CNBP: variants seen among roughly 807,000 people sequenced by gnomAD.
CNBP encodes the protein cellular nucleic acid-binding protein.
CNBP carries 6 observed loss-of-function variants against 21.2 expected under a neutral mutation model. The observed-to-expected ratio is 0.28, with a 90% CI of 0.16 to 0.56. The LOEUF is 0.56. CNBP is among the 20% of genes least tolerant of loss of function. The pLI, the probability that CNBP is intolerant of heterozygous loss-of-function variation, is 0.93. For missense variants in CNBP, 112 were observed against 233.1 expected, an observed-to-expected ratio of 0.48 and a Z score of 3.38; for synonymous variants, 61 against 74.9, an observed-to-expected ratio of 0.81 and a Z score of 0.96.
chr3:129,173,975 C>G (rs549112005), intron 1 of CNBP, among the ~76,000 whole-genome samples: 9 of 152,262 alleles, frequency 5.9e-5, no homozygotes, highest in Non-Finnish European at 1.2e-4. Flanking sequence ...AATTTAGTGA[C>G]TTAAAATTAC....
At chr3:129,180,255 A>G (rs952973987) in intron 1 of CNBP, among the ~76,000 whole-genome samples, 3 of 152,222 alleles carry the variant, frequency 2.0e-5, no homozygotes, top group African/African-American at 7.2e-5. Context: ...GATAAAAATC[A>G]AAGTAAAACT....
chr3:129,174,374 A>AAAAAAAAAAT (rs1937747855), intron 1 of CNBP, among the ~76,000 whole-genome samples: 1 of 148,680 alleles, frequency 6.7e-6, no homozygotes, highest in African/African-American at 2.5e-5. Context: ...AAAAAAAAAA[A>AAAAAAAAAAT]CGAATGGCGG....
chr3:129,173,255 A>T (rs1043830921), intron 1 of CNBP, among the ~76,000 whole-genome samples: 11 of 152,236 alleles, frequency 7.2e-5, no homozygotes, highest in Non-Finnish European at 1.0e-4. Context: ...AGATGATTTT[A>T]AAGTATATGG....
intron 1 of CNBP, among the ~76,000 whole-genome samples, chr3:129,181,239 C>CAAAAAAAAAAAAAAAAAAAAAAAA (rs10587328): frequency 3.8e-5 from 2 of 53,162 alleles, no homozygotes; most frequent in East Asian, 5.6e-4. Flanking sequence ...GACTCTGTCT[C>CAAAAAAAAAAAAAAAAAAAAAAAA]AAAAAAAAAA....
chr3:129,180,635 C>A (rs1220453089), intron 1 of CNBP, among the ~76,000 whole-genome samples: 1 of 152,208 alleles, frequency 6.6e-6, no homozygotes, highest in East Asian at 1.9e-4. Flanking sequence ...ACTGCCAGAA[C>A]AGGAGTTCTA....
In CNBP at chr3:129,168,726, CG is replaced by C. The variant is rs1220743886; in HGVS notation, c.*1726del. On this transcript the variant is annotated 3_prime_UTR_variant, in exon 5 of 5. Coordinates refer to ENST00000422453, the MANE Select transcript of CNBP (RefSeq NM_003418.5). ...CCTGTAACACTAGCACTTTGGGGGGCGGGGCAGGTGGATCACCTGAGGTCAG... is the reference window on the plus strand; with the variant it reads ...CCTGTAACACTAGCACTTTGGGGGGCGGGCAGGTGGATCACCTGAGGTCAG... 1.2e-4 allele frequency among the ~76,000 whole-genome samples: 18 copies of C among 148,232 alleles called. No individual in the cohort carries two copies. Among genetic ancestry groups the C allele is most frequent in the African/African-American group, 4.5e-4 (18 of 40,052 alleles).
chr3:129,182,939 GTTGTTTGT>G (rs146475772), intron 1 of CNBP, among the ~76,000 whole-genome samples: 2,739 of 150,698 alleles, frequency 0.018, 66 homozygotes, highest in African/African-American at 0.061. Context: ...ACCCTTTGTT[GTTGTTTGT>G]TTGTTTGTTT....
Position 129,169,620 on chromosome 3 carries a change from T to C in CNBP, c.*833A>G, listed in dbSNP as rs2107631470. 1 of 208,710 alleles carries C rather than the reference T, an allele frequency of 4.8e-6. No individual in the cohort carries two copies. Among genetic ancestry groups the C allele is most frequent in the East Asian group, 7.4e-5 (1 of 13,512 alleles). The allele number at this position is 208,710 out of a possible 1,614,324, so 12.9% of individuals were successfully genotyped here. A position where few individuals can be genotyped will look rare whatever the true frequency, so the allele number is the denominator to read the frequency against. ...TTTATTGGAATAGTTTAAAATTACA[T>C]TTCTATTTTCTAGGACTTCAGTTGC... On this transcript the variant is annotated 3_prime_UTR_variant, in exon 5 of 5. Coordinates refer to ENST00000422453, the MANE Select transcript of CNBP (RefSeq NM_003418.5).
At chr3:129,176,998 A>G (rs547132836) in intron 1 of CNBP, among the ~76,000 whole-genome samples, 1 of 152,322 alleles carries the variant, frequency 6.6e-6, no homozygotes, top group South Asian at 2.1e-4. Context: ...TGAGAAATTT[A>G]CACCCAAGAC....
intron 4 of CNBP, 45 bp from the exon 5 acceptor site, chr3:129,170,615 A>G (rs761676755): frequency 6.7e-7 from 1 of 1,482,516 alleles, no homozygotes; most frequent in Non-Finnish European, 9.4e-7. Flanking sequence ...TCAGAAAAAA[A>G]CTGTCTACCA....
chr3:129,176,903 G>C (rs1937942366), intron 1 of CNBP, among the ~76,000 whole-genome samples: 1 of 151,984 alleles, frequency 6.6e-6, no homozygotes. Flanking sequence ...GCAAATACTA[G>C]AAAATATCAA....
At chr3:129,176,783 T>C (rs1018544744) in intron 1 of CNBP, among the ~76,000 whole-genome samples, 5 of 152,198 alleles carry the variant, frequency 3.3e-5, no homozygotes, top group African/African-American at 1.2e-4. Context: ...CTGACAGGGA[T>C]TAGGGCCAAC....
chr3:129,172,159 ACT>A (rs1937583082), intron 1 of CNBP, among the ~76,000 whole-genome samples: 1 of 151,916 alleles, frequency 6.6e-6, no homozygotes, highest in South Asian at 2.1e-4. Context: ...CAACATTGAG[ACT>A]CTGTCTCAAA....
At chr3:129,183,472 A>G (rs930758895) in intron 1 of CNBP, among the ~76,000 whole-genome samples, 4 of 152,196 alleles carry the variant, frequency 2.6e-5, no homozygotes, top group African/African-American at 9.6e-5. Flanking sequence ...CCAAGGGCGC[A>G]CGGGCGGGCC....
intron 1 of CNBP, among the ~76,000 whole-genome samples, chr3:129,172,644 G>GCAGA (rs1937616859): frequency 1.1e-4 from 12 of 111,884 alleles, no homozygotes; most frequent in African/African-American, 4.4e-4. Context: ...AGGCAGGCAG[G>GCAGA]CAGGCAGGCA....
In CNBP at chr3:129,169,927, T is replaced by C. The variant is rs1937538300; in HGVS notation, c.*526A>G. 2.2e-5 allele frequency: 5 copies of C among 231,712 alleles called. No homozygotes were observed. The highest frequency in any genetic ancestry group is 6.6e-5 in the African/African-American group (3 of 45,190). 14.4% of individuals were successfully genotyped at this position (231,712 alleles called of 1,614,324 possible). On this transcript the variant is annotated 3_prime_UTR_variant, in exon 5 of 5. Coordinates refer to ENST00000422453, the MANE Select transcript of CNBP (RefSeq NM_003418.5). The stretch of plus-strand genomic sequence containing the variant: ...GTTTAGGCTTTTATTCCGATTTCTC[T>C]CGAACAGCCATTAACACGCATGTTT...
chr3:129,175,060 G>C (rs1937805566), intron 1 of CNBP, among the ~76,000 whole-genome samples: 1 of 151,944 alleles, frequency 6.6e-6, no homozygotes, highest in Admixed American at 6.6e-5. Flanking sequence ...GGGCAGGCGT[G>C]GTGGCTCACG....
At chr3:129,170,929 T>G in intron 4 of CNBP, 150 bp downstream of exon 4, 1 of 744,154 alleles carries the variant, frequency 1.3e-6, no homozygotes, top group South Asian at 1.8e-5. Context: ...TATATACAGA[T>G]AGACTGCCAG....
Position 129,171,748 on chromosome 3 carries a change from T to C in CNBP, c.10A>G (p.Asn4Asp), listed in dbSNP as rs1467322968. The C allele has an allele frequency of 1.2e-6, 2 of 1,614,026 alleles. No homozygotes were observed. Among genetic ancestry groups the C allele is most frequent in the South Asian group, 2.2e-5 (2 of 91,086 alleles). ...GATCGTCCACACTTGAAGCACTCAT[T>C]GCTGCTCATGGCTGCAGTCAGATCT... MSS[N>D]ECFKCGRSGH... The change falls in exon 2 of 5, where the codon AAT (asparagine) becomes GAT (aspartate). Residue 4 changes from asparagine (N) to aspartate (D), a missense_variant. Asn to Asp is a conservative substitution (Grantham distance 23, BLOSUM62 1). Coordinates refer to ENST00000422453, the MANE Select transcript of CNBP (RefSeq NM_003418.5).
Sources: gnomAD v4.1 joint callset for allele counts (sites outside exome capture counted in the v4.1 genomes callset) on GRCh38, gnomAD v4.1.1 for gene constraint, MANE v1.5 for transcripts, NCBI Gene and HGNC (gene_info 2026-07-23, HGNC 2026-07-21) for gene names.